Variants in KLHL14 observed in about 807,000 individuals in gnomAD.
KLHL14 encodes kelch-like protein 14.
In KLHL14, 22 loss-of-function variants were observed where a neutral mutation model predicts 64.3. That is an observed-to-expected ratio of 0.34 (90% CI 0.24 to 0.49). The LOEUF is 0.49. Among genes scored for constraint, KLHL14 ranks in the 20% least tolerant of loss-of-function variants. The pLI, the probability that KLHL14 is intolerant of heterozygous loss-of-function variation, is 0.99. For synonymous variants in KLHL14, 322 were observed against 333.4 expected (o/e 0.97, Z 0.37); for missense variants, 661 against 789.0 (o/e 0.84, Z 1.94).
intron 3 of KLHL14, among the ~76,000 whole-genome samples, chr18:32,725,479 G>A (rs1203482763): frequency 6.6e-6 from 1 of 152,196 alleles, no homozygotes; most frequent in East Asian, 1.9e-4. Context: ...TTGAAAGGCT[G>A]TTGTTGTCTC....
At chr18:32,730,734 G>A (rs2050133144) in intron 3 of KLHL14, among the ~76,000 whole-genome samples, 1 of 152,182 alleles carries the variant, frequency 6.6e-6, no homozygotes, top group South Asian at 2.1e-4. Context: ...AGGGTTTTCT[G>A]AAAGTGCTTT....
intron 3 of KLHL14, among the ~76,000 whole-genome samples, chr18:32,726,984 G>A (rs7237843): frequency 0.29 from 44,839 of 152,096 alleles, 6,873 homozygotes; most frequent in African/African-American, 0.37. Flanking sequence ...ACATATGCTT[G>A]AGGGGCAAGC....
intron 3 of KLHL14, among the ~76,000 whole-genome samples, chr18:32,724,134 T>C (rs2050093778): frequency 6.6e-6 from 1 of 152,186 alleles, no homozygotes; most frequent in African/African-American, 2.4e-5. Flanking sequence ...GAAAAAACAC[T>C]GAACTAAAGT....
At chr18:32,719,819 C>T (rs2050067353) in intron 3 of KLHL14, among the ~76,000 whole-genome samples, 1 of 152,200 alleles carries the variant, frequency 6.6e-6, no homozygotes, top group Non-Finnish European at 1.5e-5. Flanking sequence ...AAGCATTTGT[C>T]AGAGGTGGCT....
intron 2 of KLHL14, among the ~76,000 whole-genome samples, chr18:32,765,459 C>T (rs372544031): frequency 6.6e-6 from 1 of 152,084 alleles, no homozygotes; most frequent in Non-Finnish European, 1.5e-5. Context: ...ACTCCCATAT[C>T]GGTTGATGTA....
Position 32,683,432 on chromosome 18 carries a change from A to G in KLHL14, c.1239-2833T>C, listed in dbSNP as rs1306302260. ...CCTGATTGTTAATGGTCTGCCAGCAACTGTGAACATTCACTGTAGGCTAAA... is the reference window on the plus strand; with the variant it reads ...CCTGATTGTTAATGGTCTGCCAGCAGCTGTGAACATTCACTGTAGGCTAAA... On this transcript the variant is annotated intron_variant, in intron 5 of 8. Coordinates refer to ENST00000359358, the MANE Select transcript of KLHL14 (RefSeq NM_020805.3). The surrounding 1 kb of genome is among the most constrained non-coding windows in gnomAD (Gnocchi z 4.2). 1.3e-5 allele frequency among the ~76,000 whole-genome samples: 2 copies of G among 152,178 alleles called. No homozygotes were observed. The highest frequency in any genetic ancestry group is 1.9e-4 in the East Asian group (1 of 5,200).
Position 32,740,894 on chromosome 18 carries a change from A to C in KLHL14, c.1069+1034T>G, listed in dbSNP as rs2144529513. ...AAAATGTATTATTTCAAGCACCACC[A>C]CACATGTCTCTGCTCCTCTACTGCT... On this transcript the variant is annotated intron_variant, in intron 3 of 8. Transcript: ENST00000359358. 2.0e-5 allele frequency: 3 copies of C among 152,294 alleles called. 1 individual carries two copies. The highest frequency in any genetic ancestry group is 3.4e-3 in the Middle Eastern group (1 of 294). 9.4% of individuals were successfully genotyped at this position (152,294 alleles called of 1,614,324 possible).
At chr18:32,704,808 C>A (rs745425264) in intron 3 of KLHL14, among the ~76,000 whole-genome samples, 2 of 152,154 alleles carry the variant, frequency 1.3e-5, no homozygotes, top group Non-Finnish European at 2.9e-5. Flanking sequence ...ATTATGCCAA[C>A]CTCTGAGCAT....
chr18:32,722,880 A>G (rs1479486647), intron 3 of KLHL14, among the ~76,000 whole-genome samples: 2 of 152,138 alleles, frequency 1.3e-5, no homozygotes, highest in Non-Finnish European at 2.9e-5. Context: ...GCTTGAGCCT[A>G]GGAGTTGGAG....
Position 32,772,848 on chromosome 18 carries a change from A to T in KLHL14, c.-225T>A, listed in dbSNP as rs2050398424. On this transcript the variant is annotated 5_prime_UTR_variant, in exon 1 of 9. Coordinates refer to ENST00000359358, the MANE Select transcript of KLHL14 (RefSeq NM_020805.3). ...CATCATTTGATCACCATGAATTAGCAACAGCAAGAAAATGTAGGAGAGGGA... is the reference window on the plus strand; with the variant it reads ...CATCATTTGATCACCATGAATTAGCTACAGCAAGAAAATGTAGGAGAGGGA... 6.5e-6 allele frequency: 1 copy of T among 154,608 alleles called. No individual in the cohort carries two copies. 9.6% of individuals were successfully genotyped at this position (154,608 alleles called of 1,614,324 possible). A position where few individuals can be genotyped will look rare whatever the true frequency, so the allele number is the denominator to read the frequency against.
chr18:32,697,741 T>G (rs2049943964), intron 3 of KLHL14, among the ~76,000 whole-genome samples: 1 of 152,194 alleles, frequency 6.6e-6, no homozygotes. Context: ...TCTTTTTCAT[T>G]TGATTACCCC....
chr18:32,713,810 T>C (rs1014944300), intron 3 of KLHL14, among the ~76,000 whole-genome samples: 1 of 152,284 alleles, frequency 6.6e-6, no homozygotes, highest in Admixed American at 6.5e-5. Flanking sequence ...TGATTTCTAA[T>C]TGTAAAACAC....
chr18:32,752,615 T>C (rs1048583646), intron 2 of KLHL14, among the ~76,000 whole-genome samples: 5 of 152,198 alleles, frequency 3.3e-5, no homozygotes, highest in African/African-American at 1.2e-4. Context: ...TAAAGCACAA[T>C]GTTTACCAAA....
chr18:32,709,185 T>C (rs1052089733), intron 3 of KLHL14, among the ~76,000 whole-genome samples: 1 of 152,174 alleles, frequency 6.6e-6, no homozygotes, highest in Non-Finnish European at 1.5e-5. Flanking sequence ...ACACTCTGCC[T>C]CACTTACGGT....
chr18:32,760,118 A>G (rs1328317458), intron 2 of KLHL14, among the ~76,000 whole-genome samples: 1 of 152,208 alleles, frequency 6.6e-6, no homozygotes, highest in African/African-American at 2.4e-5. Context: ...TGTTCTAAGA[A>G]GTATTTACAA....
intron 4 of KLHL14, among the ~76,000 whole-genome samples, chr18:32,693,413 C>CACACACACACAGAGAGAGAG (rs1229737083): frequency 5.2e-5 from 5 of 97,036 alleles, no homozygotes; most frequent in African/African-American, 1.9e-4. Flanking sequence ...CACACACACA[C>CACACACACACAGAGAGAGAG]AGAGAGAGAG....
rs567449772 is a variant in KLHL14 at position 32,718,947 on chromosome 18, C to CTT, written c.1069+22979_1069+22980dup. On this transcript the variant is annotated intron_variant, in intron 3 of 8. Coordinates refer to ENST00000359358, the MANE Select transcript of KLHL14 (RefSeq NM_020805.3). ...TGCTATAATTTGATGGGAACATGAA[C>CTT]TTTCTTTCTTTTTTTTTTGAGACAG... is the stretch of plus-strand genomic sequence containing the variant. Among the ~76,000 whole-genome samples the CTT allele has an allele frequency of 1.4e-3, 210 of 152,072 alleles. 1 individual carries two copies. The highest frequency in any genetic ancestry group is 4.8e-3 in the African/African-American group (200 of 41,490).
rs149774801 is a variant in KLHL14 at position 32,755,383 on chromosome 18, T to A, written c.948-13334A>T. ...GCTGAATTGTGGATGCTATACTGTG[T>A]GGCTTGAATTATTCTCTAGTGCAAA... On this transcript the variant is annotated intron_variant, in intron 2 of 8. Transcript: ENST00000359358. Among the ~76,000 whole-genome samples, 16 of 152,304 alleles carry A rather than the reference T, an allele frequency of 1.1e-4. 1 individual carries two copies. The East Asian group carries it at 2.9e-3, about 28-fold the overall frequency.
At chr18:32,751,801 G>A (rs1195756055) in intron 2 of KLHL14, among the ~76,000 whole-genome samples, 1 of 152,188 alleles carries the variant, frequency 6.6e-6, no homozygotes, top group Non-Finnish European at 1.5e-5. Flanking sequence ...CTCAATAAAT[G>A]TTTGTTGTAT....
Sources: gnomAD v4.1 joint callset for allele counts (sites outside exome capture counted in the v4.1 genomes callset) on GRCh38, gnomAD v4.1.1 for gene constraint, Gnocchi (gnomAD v3.1) non-coding constraint, MANE v1.5 for transcripts, NCBI Gene and HGNC (gene_info 2026-07-23, HGNC 2026-07-21) for gene names.